Variants in DDAH1 observed in about 807,000 individuals in gnomAD.
The protein encoded by DDAH1 is N(G),N(G)-dimethylarginine dimethylaminohydrolase 1.
Under a neutral mutation model 28.8 loss-of-function variants are expected in DDAH1, and 19 were observed. The observed-to-expected ratio is 0.66, with a 90% CI of 0.46 to 0.97. DDAH1 has a LOEUF of 0.97. DDAH1 is among the 50% of genes least tolerant of loss of function. The pLI is 0.00. For synonymous variants in DDAH1, 153 were observed against 154.4 expected (o/e 0.99, Z 0.07); for missense variants, 326 against 375.9 (o/e 0.87, Z 1.10).
intron 1 of DDAH1, among the ~76,000 whole-genome samples, chr1:85,434,807 T>C (rs1459694489): frequency 6.6e-6 from 1 of 152,158 alleles, no homozygotes; most frequent in Non-Finnish European, 1.5e-5. Flanking sequence ...AGGCAAACTT[T>C]AACTTACTTC....
chr1:85,462,159 G>C (rs755836920), intron 1 of DDAH1, among the ~76,000 whole-genome samples: 2 of 152,186 alleles, frequency 1.3e-5, no homozygotes, highest in African/African-American at 2.4e-5. Context: ...ACTTAAGACA[G>C]ATAAAAGGGA....
chr1:85,499,458 A>G (rs1380273202), intron 1 of DDAH1, among the ~76,000 whole-genome samples: 1 of 152,170 alleles, frequency 6.6e-6, no homozygotes, highest in African/African-American at 2.4e-5. Context: ...GTGGCTCACA[A>G]GGTCAGGAGT....
chr1:85,412,801 G>A (rs1273695875), intron 1 of DDAH1, among the ~76,000 whole-genome samples: 5 of 152,126 alleles, frequency 3.3e-5, no homozygotes, highest in African/African-American at 1.2e-4. Context: ...AGGAGTTCGA[G>A]ACCAGCCTGA....
At chr1:85,494,880 T>C (rs774589440) in intron 2 of DDAH1, 2 of 152,078 alleles carry the variant, frequency 1.3e-5, no homozygotes, top group Non-Finnish European at 2.9e-5. Context: ...TGTGAGGAGA[T>C]TGCTAGTCAT....
intron 1 of DDAH1, among the ~76,000 whole-genome samples, chr1:85,365,803 TATG>T (rs1650045208): frequency 6.6e-6 from 1 of 152,174 alleles, no homozygotes; most frequent in Admixed American, 6.5e-5. Context: ...GACCTGTAAA[TATG>T]ATGAAGATAT....
intron 1 of DDAH1, among the ~76,000 whole-genome samples, chr1:85,424,126 T>C (rs562288465): frequency 1.4e-4 from 22 of 152,300 alleles, no homozygotes; most frequent in African/African-American, 4.6e-4. Flanking sequence ...TAATATTTCA[T>C]TGAAGATTTT....
At chr1:85,399,404 C>T (rs1651966393) in intron 1 of DDAH1, 1 of 152,204 alleles carries the variant, frequency 6.6e-6, no homozygotes, top group Admixed American at 6.5e-5. Context: ...ATAAGAGTAG[C>T]ATTAATGCCC....
intron 1 of DDAH1, among the ~76,000 whole-genome samples, chr1:85,386,406 C>T (rs1282657784): frequency 3.3e-5 from 5 of 152,218 alleles, no homozygotes. Flanking sequence ...TAACAAGCCC[C>T]ATGCAAGTCC....
At chr1:85,459,185 A>G (rs1431178769) in intron 1 of DDAH1, among the ~76,000 whole-genome samples, 1 of 152,224 alleles carries the variant, frequency 6.6e-6, no homozygotes, top group African/African-American at 2.4e-5. Flanking sequence ...TATAATAAAA[A>G]CTAATTTTGA....
intron 1 of DDAH1, among the ~76,000 whole-genome samples, chr1:85,424,445 C>T (rs1031546260): frequency 1.3e-5 from 2 of 152,036 alleles, no homozygotes; most frequent in African/African-American, 4.8e-5. Context: ...CTTCAAATAC[C>T]TATATTTTTC....
At chr1:85,384,774 T>G (rs1651166951) in intron 1 of DDAH1, among the ~76,000 whole-genome samples, 1 of 152,184 alleles carries the variant, frequency 6.6e-6, no homozygotes, top group African/African-American at 2.4e-5. Flanking sequence ...ATTTCTCCCC[T>G]TAACAAATGA....
chr1:85,436,018 C>T, intron 1 of DDAH1, among the ~76,000 whole-genome samples: 1 of 151,180 alleles, frequency 6.6e-6, no homozygotes, highest in Non-Finnish European at 1.5e-5. Context: ...CCAGACTGGT[C>T]TCGAACTCCT....
At chr1:85,487,784 A>G (rs1327916709) in intron 2 of DDAH1, among the ~76,000 whole-genome samples, 2 of 152,300 alleles carry the variant, frequency 1.3e-5, no homozygotes, top group South Asian at 2.1e-4. Context: ...AAAAACATAT[A>G]TGCAAGCCAG....
intron 1 of DDAH1, among the ~76,000 whole-genome samples, chr1:85,560,034 T>C (rs1659095982): frequency 6.8e-6 from 1 of 148,064 alleles, no homozygotes; most frequent in Non-Finnish European, 1.5e-5. Context: ...TGAAAACCAG[T>C]GATAAGGAGA....
In DDAH1 at chr1:85,351,556, A is replaced by G. The variant is rs1385936379; in HGVS notation, c.427T>C (p.Ser143Pro). Residue 143 changes from serine to proline, a missense_variant, in exon 3 of 6, where the codon TCC becomes CCC. By Grantham distance (74) the Ser-to-Pro change is moderately conservative (BLOSUM62 -1). Transcript: ENST00000284031. Reference sequence around the variant, plus strand: ...GCACCTCGTTGATTTGTCCTTTTGGAAAGGCCCACAAAAAATTCTCTGCCT... The same window carrying G: ...GCACCTCGTTGATTTGTCCTTTTGGGAAGGCCCACAAAAAATTCTCTGCCT... ...FTGREFFVGL[S>P]KRTNQRGAEI... 6.2e-7 allele frequency: 1 copy of G among 1,614,086 alleles called. No homozygotes were observed. Among genetic ancestry groups the G allele is most frequent in the South Asian group, 1.1e-5 (1 of 91,072 alleles).
intron 2 of DDAH1, among the ~76,000 whole-genome samples, chr1:85,353,617 AG>A (rs985201054): frequency 6.6e-6 from 1 of 152,202 alleles, no homozygotes; most frequent in Non-Finnish European, 1.5e-5. Context: ...ACTTGAAAAA[AG>A]TATTATGCAC....
chr1:85,350,681 T>C lies in DDAH1; in HGVS notation c.478-147A>G, dbSNP rs531062234. 48 of 945,542 alleles carry C rather than the reference T, an allele frequency of 5.1e-5. No individual in the cohort carries two copies. The East Asian group carries it at 8.6e-4, about 17-fold the overall frequency. 58.6% of individuals were successfully genotyped at this position (945,542 alleles called of 1,614,324 possible). The stretch of plus-strand genomic sequence containing the variant: ...AAAAACTGGGACCCACAGATTTGGA[T>C]ATTGCTAGTTAAACGAAGACTGCTT... On this transcript the variant is annotated intron_variant, in intron 3 of 5. Coordinates refer to ENST00000284031, the MANE Select transcript of DDAH1 (RefSeq NM_012137.4).
intron 2 of DDAH1, among the ~76,000 whole-genome samples, chr1:85,471,682 G>A (rs1400331929): frequency 6.6e-6 from 1 of 152,158 alleles, no homozygotes; most frequent in Admixed American, 6.5e-5. Flanking sequence ...GTATCCATCT[G>A]CCTCTGTATA....
chr1:85,518,515 TAAA>T (rs1657552445), intron 1 of DDAH1, among the ~76,000 whole-genome samples: 1 of 152,118 alleles, frequency 6.6e-6, no homozygotes, highest in South Asian at 2.1e-4. Context: ...TCCCTGCACA[TAAA>T]TGTCGACCTC....
Sources: allele counts gnomAD v4.1 joint callset (sites outside exome capture counted in the v4.1 genomes callset), GRCh38; gene constraint gnomAD v4.1.1; transcripts MANE v1.5; gene names NCBI Gene and HGNC (gene_info 2026-07-23, HGNC 2026-07-21).